ARHGAP22: variants seen among roughly 807,000 people sequenced by gnomAD.
ARHGAP22 encodes rho GTPase-activating protein 22.
ARHGAP22 carries 48 observed loss-of-function variants against 59.1 expected under a neutral mutation model. The ratio of observed to expected loss-of-function variants is 0.81; its 90% CI spans 0.64 to 1.03. ARHGAP22 has a LOEUF of 1.03. ARHGAP22 is among the 50% of genes least tolerant of loss of function. ARHGAP22 has a pLI of 0.00. For synonymous variants in ARHGAP22, 445 were observed against 416.4 expected (o/e 1.07, Z -0.84); for missense variants, 1,015 against 958.7 (o/e 1.06, Z -0.78).
At chr10:48,515,847 A>C (rs979061653) in intron 3 of ARHGAP22, among the ~76,000 whole-genome samples, 27 of 152,180 alleles carry the variant, frequency 1.8e-4, no homozygotes, top group African/African-American at 6.3e-4. Flanking sequence ...TCATAGTGGC[A>C]TCTGTGCTAG....
At chr10:48,511,686 C>T (rs957070274) in intron 3 of ARHGAP22, 2 of 152,216 alleles carry the variant, frequency 1.3e-5, no homozygotes, top group African/African-American at 4.8e-5. Flanking sequence ...ACTGGAGCGT[C>T]CATGCTGGGC....
At chr10:48,443,343 A>T (rs2045247072), downstream of ARHGAP22, among the ~76,000 whole-genome samples, 1 of 152,146 alleles carries the variant, frequency 6.6e-6, no homozygotes, top group South Asian at 2.1e-4. Flanking sequence ...ATAACCTCTC[A>T]CCATGGGCGA....
chr10:48,641,684 C>T lies in ARHGAP22; in HGVS notation c.52+10550G>A, dbSNP rs542997325. Among the ~76,000 whole-genome samples the T allele has an allele frequency of 3.3e-5, 5 of 152,258 alleles. No homozygotes were observed. The South Asian group carries it at 1.0e-3, about 32-fold the overall frequency. Reference sequence around the variant, plus strand: ...GAAGCATTCCCTTTGAAAACTGGCACAAGACAGGGATGCCCTCTCTCACCA... The same window carrying T: ...GAAGCATTCCCTTTGAAAACTGGCATAAGACAGGGATGCCCTCTCTCACCA... On this transcript the variant is annotated intron_variant, in intron 1 of 9. Coordinates refer to the ARHGAP22 transcript ENST00000435790.
At chr10:48,650,045 C>G (rs1057035362) in intron 1 of ARHGAP22, among the ~76,000 whole-genome samples, 5 of 147,286 alleles carry the variant, frequency 3.4e-5, no homozygotes, top group Non-Finnish European at 6.0e-5. Flanking sequence ...AGAGAGAGAC[C>G]AGGAGGTGGC....
chr10:48,461,997 C>G (rs1370063128), intron 4 of ARHGAP22, among the ~76,000 whole-genome samples: 1 of 152,180 alleles, frequency 6.6e-6, no homozygotes, highest in Non-Finnish European at 1.5e-5. Context: ...TCCTCCTCAC[C>G]CTGCTTGACC....
At chr10:48,439,169 CCT>C in the ARHGAP22 span, 2 of 151,636 alleles carry the variant, frequency 1.3e-5, no homozygotes, top group East Asian at 3.9e-4. Flanking sequence ...TGTTCCGTTC[CCT>C]CTCCTTTCCT....
At chr10:48,451,615 G>C (rs973055674) in intron 8 of ARHGAP22, 7 of 696,694 alleles carry the variant, frequency 1.0e-5, no homozygotes, top group East Asian at 2.7e-5. Context: ...TTCCTGTGTG[G>C]GGGCACACAC....
chr10:48,576,728 C>T (rs548727931), intron 2 of ARHGAP22, among the ~76,000 whole-genome samples: 10 of 152,144 alleles, frequency 6.6e-5, no homozygotes, highest in East Asian at 5.8e-4. Flanking sequence ...TCTGTCACCA[C>T]GTTCTATGGT....
chr10:48,612,013 G>A (rs1375874458), intron 1 of ARHGAP22, among the ~76,000 whole-genome samples: 2 of 151,404 alleles, frequency 1.3e-5, no homozygotes, highest in Non-Finnish European at 2.9e-5. Context: ...AGTAGAGACG[G>A]GGTTTCACTA....
chr10:48,455,140 G>A lies in ARHGAP22; in HGVS notation c.660-6C>T. 1 of 1,603,862 alleles carries A rather than the reference G, an allele frequency of 6.2e-7. No homozygotes were observed. The highest frequency in any genetic ancestry group is 8.5e-7 in the Non-Finnish European group (1 of 1,174,176). ...CCGTGTGCACGTCTGTTGTGCTGTG[G>A]GGGGGAAGAGGACAGGTGTGTGAGG... On this transcript the variant is annotated splice_region_variant and splice_polypyrimidine_tract_variant and intron_variant, in intron 5 of 9. Coordinates refer to ENST00000249601, the MANE Select transcript of ARHGAP22 (RefSeq NM_021226.4).
chr10:48,515,647 T>C (rs1439150529), intron 3 of ARHGAP22, among the ~76,000 whole-genome samples: 1 of 152,320 alleles, frequency 6.6e-6, no homozygotes, highest in East Asian at 1.9e-4. Context: ...CAGAACATAT[T>C]TGAGGATAGA....
chr10:48,474,587 T>C (rs1486853552), intron 4 of ARHGAP22, among the ~76,000 whole-genome samples: 1 of 112,676 alleles, frequency 8.9e-6, no homozygotes, highest in East Asian at 8.9e-4. Context: ...GGAGATGCCC[T>C]TTATCATAGG....
chr10:48,655,008 C>CTTTCTTTCTTTCTTTCTT (rs1554967984), upstream of ARHGAP22, among the ~76,000 whole-genome samples: 4 of 76,546 alleles, frequency 5.2e-5, no homozygotes, highest in Non-Finnish European at 5.3e-5. Flanking sequence ...CTCTTTCTTT[C>CTTTCTTTCTTTCTTTCTT]TCTTTCTTTC....
intron 3 of ARHGAP22, among the ~76,000 whole-genome samples, chr10:48,514,469 T>C (rs1475973492): frequency 6.6e-6 from 1 of 151,978 alleles, no homozygotes; most frequent in African/African-American, 2.4e-5. Context: ...AAAATGACAG[T>C]CAACCAAGAA....
At chr10:48,649,037 C>T (rs950055746) in intron 1 of ARHGAP22, among the ~76,000 whole-genome samples, 6 of 152,096 alleles carry the variant, frequency 3.9e-5, no homozygotes, top group African/African-American at 7.2e-5. Flanking sequence ...AGGTGAGAGC[C>T]GACCTCTCGC....
chr10:48,605,330 A>ACCCC (rs111746464), upstream of ARHGAP22, among the ~76,000 whole-genome samples: 1 of 91,324 alleles, frequency 1.1e-5, no homozygotes, highest in African/African-American at 3.4e-5. Flanking sequence ...GGTAGCCGAG[A>ACCCC]CCCCCCCCCC....
chr10:48,638,188 G>A (rs1294256611), intron 1 of ARHGAP22, among the ~76,000 whole-genome samples: 12 of 152,164 alleles, frequency 7.9e-5, no homozygotes, highest in Non-Finnish European at 1.8e-4. Flanking sequence ...AACTTGGCTA[G>A]GCTGAGTTAC....
intron 1 of ARHGAP22, among the ~76,000 whole-genome samples, chr10:48,646,320 G>T (rs1265981122): frequency 6.6e-6 from 1 of 152,164 alleles, no homozygotes; most frequent in Admixed American, 6.5e-5. Flanking sequence ...ATTTTATGGG[G>T]TGGAGAAATT....
chr10:48,441,292 G>A (rs1387259612), downstream of ARHGAP22, among the ~76,000 whole-genome samples: 1 of 152,140 alleles, frequency 6.6e-6, no homozygotes, highest in Admixed American at 6.5e-5. Context: ...TTAACCTAGA[G>A]AAGTGCAAGT....
Sources: allele counts gnomAD v4.1 joint callset (sites outside exome capture counted in the v4.1 genomes callset), GRCh38; gene constraint gnomAD v4.1.1; transcripts MANE v1.5; gene names NCBI Gene and HGNC (gene_info 2026-07-23, HGNC 2026-07-21).